The following HSDL2 variants were observed in gnomAD, a reference collection of about 807,000 sequenced individuals.
The protein encoded by HSDL2 is hydroxysteroid dehydrogenase-like protein 2.
A neutral mutation model predicts 46.3 loss-of-function variants in HSDL2; 27 were observed. The ratio of observed to expected loss-of-function variants is 0.58; its 90% CI spans 0.43 to 0.80. The LOEUF is 0.80. Among genes scored for constraint, HSDL2 ranks in the 30% least tolerant of loss-of-function variants. The probability of loss-of-function intolerance (pLI) is 0.00; values close to 1 mark genes in which losing one functional copy is unlikely to be tolerated. For synonymous variants in HSDL2, 153 were observed against 163.6 expected (o/e 0.94, Z 0.50); for missense variants, 451 against 502.7 (o/e 0.90, Z 0.98).
At chr9:112,386,889 C>T (rs577758536) in intron 1 of HSDL2, among the ~76,000 whole-genome samples, 48 of 152,270 alleles carry the variant, frequency 3.2e-4, no homozygotes, top group African/African-American at 1.1e-3. Flanking sequence ...GACTCCACTA[C>T]AGGACATATG....
chr9:112,441,219 G>A (rs1832630523), intron 7 of HSDL2, among the ~76,000 whole-genome samples: 2 of 151,952 alleles, frequency 1.3e-5, no homozygotes, highest in African/African-American at 4.8e-5. Flanking sequence ...TAATAACCCA[G>A]TGGAATAGGA....
Position 112,418,319 on chromosome 9 carries a change from G to A in HSDL2, c.500-541G>A, listed in dbSNP as rs868807505. 4.6e-5 allele frequency among the ~76,000 whole-genome samples: 7 copies of A among 151,192 alleles called. No homozygotes were observed. In the South Asian group the frequency reaches 1.3e-3, roughly 27 times the overall value. On this transcript the variant is annotated intron_variant, in intron 5 of 10. Coordinates refer to ENST00000398805, the MANE Select transcript of HSDL2 (RefSeq NM_032303.5). ...TCAGGGAGGCTGGGTACGGTGGCTC[G>A]TACCTGTAATCCCAGCACTTTGGGA... is the stretch of plus-strand genomic sequence containing the variant.
chr9:112,454,678 CT>C (rs1016773002), intron 9 of HSDL2, among the ~76,000 whole-genome samples: 3 of 151,846 alleles, frequency 2.0e-5, no homozygotes, highest in Non-Finnish European at 4.4e-5. Context: ...CGGTAGTCAG[CT>C]TTTTTTCACT....
intron 6 of HSDL2, among the ~76,000 whole-genome samples, chr9:112,429,429 C>T (rs958850739): frequency 6.6e-6 from 1 of 152,192 alleles, no homozygotes; most frequent in African/African-American, 2.4e-5. Flanking sequence ...ACTTTGTCCT[C>T]CCCTCTGCCC....
At chr9:112,422,781 A>G (rs889918742) in intron 6 of HSDL2, among the ~76,000 whole-genome samples, 3 of 152,234 alleles carry the variant, frequency 2.0e-5, no homozygotes, top group Non-Finnish European at 2.9e-5. Flanking sequence ...GGCTGAATTT[A>G]TGAGGGGGAG....
At chr9:112,394,265 C>A (rs1172622611) in intron 1 of HSDL2, among the ~76,000 whole-genome samples, 2 of 147,720 alleles carry the variant, frequency 1.4e-5, no homozygotes, top group African/African-American at 4.9e-5. Flanking sequence ...TCTGGGTGTT[C>A]TGGGCTCAGA....
chr9:112,418,512 G>A (rs1268436177), intron 5 of HSDL2, among the ~76,000 whole-genome samples: 1 of 151,286 alleles, frequency 6.6e-6, no homozygotes, highest in Non-Finnish European at 1.5e-5. Flanking sequence ...GAGCCCAGGA[G>A]GTAGAGGCTG....
At chr9:112,465,698 T>A (rs529993977) in intron 10 of HSDL2, among the ~76,000 whole-genome samples, 5 of 152,376 alleles carry the variant, frequency 3.3e-5, no homozygotes, top group Admixed American at 3.3e-4. Context: ...CATAATGTTT[T>A]TGAGGTTCAT....
At chr9:112,465,344 G>A (rs1403035217) in intron 10 of HSDL2, among the ~76,000 whole-genome samples, 1 of 152,130 alleles carries the variant, frequency 6.6e-6, no homozygotes, top group Non-Finnish European at 1.5e-5. Flanking sequence ...GGCCAGGCTG[G>A]TCTCGAACTC....
At chr9:112,455,628 G>A (rs1833000425) in intron 9 of HSDL2, among the ~76,000 whole-genome samples, 1 of 152,206 alleles carries the variant, frequency 6.6e-6, no homozygotes, top group Admixed American at 6.5e-5. Context: ...TTCAGCTGAG[G>A]TTTAAGCAAC....
At chr9:112,406,606 GA>G (rs1831736226) in intron 3 of HSDL2, among the ~76,000 whole-genome samples, 1 of 152,010 alleles carries the variant, frequency 6.6e-6, no homozygotes, top group Non-Finnish European at 1.5e-5. Flanking sequence ...GAGTAGCTGG[GA>G]TTACAGGCGC....
chr9:112,394,223 G>A (rs1831410049), intron 1 of HSDL2, among the ~76,000 whole-genome samples: 1 of 152,058 alleles, frequency 6.6e-6, no homozygotes. Flanking sequence ...CATACTCGCA[G>A]TCCGGACATG....
At chr9:112,403,034 A>G (rs1464565340) in intron 1 of HSDL2, among the ~76,000 whole-genome samples, 1 of 152,160 alleles carries the variant, frequency 6.6e-6, no homozygotes, top group Non-Finnish European at 1.5e-5. Flanking sequence ...TTGAATCAGA[A>G]TATTTCAGAT....
chr9:112,434,741 G>T (rs1486578263), intron 6 of HSDL2, among the ~76,000 whole-genome samples: 1 of 152,154 alleles, frequency 6.6e-6, no homozygotes, highest in Non-Finnish European at 1.5e-5. Flanking sequence ...GTCATCACAG[G>T]CAATGCTGAT....
intron 4 of HSDL2, among the ~76,000 whole-genome samples, chr9:112,409,521 C>T (rs997112804): frequency 1.3e-5 from 2 of 152,074 alleles, no homozygotes; most frequent in African/African-American, 4.8e-5. Flanking sequence ...TTATTTGGAG[C>T]TCCTTTTCTC....
rs755664849 is a variant in HSDL2, at chr9:112,408,911, T to G, written c.285T>G (p.Ile95Met). 1 of 1,481,164 alleles carries G rather than the reference T, an allele frequency of 6.8e-7. No individual in the cohort carries two copies. The highest frequency in any genetic ancestry group is 1.2e-5 in the South Asian group (1 of 83,972). The allele number at this position is 1,481,164 out of a possible 1,614,324, so 91.8% of individuals were successfully genotyped here. A position where few individuals can be genotyped will look rare whatever the true frequency, so the allele number is the denominator to read the frequency against. Reference sequence around the variant, plus strand: ...AATTGATTATTTTGAAAACAGGAATTGATATTCTGGTAAATAATGCCAGTG... The same window carrying G: ...AATTGATTATTTTGAAAACAGGAATGGATATTCTGGTAAATAATGCCAGTG... ...VEKAIKKFGGIDILVNNASAI... is the reference protein window; with the variant it reads ...VEKAIKKFGGMDILVNNASAI... Residue 95 changes from isoleucine (I) to methionine (M), a missense_variant, in exon 4 of 11, where the codon ATT becomes ATG. Physicochemically the swap from Ile to Met is conservative, Grantham distance 10. Transcript: ENST00000398805.
intron 1 of HSDL2, among the ~76,000 whole-genome samples, chr9:112,383,749 T>A (rs1215499350): frequency 6.6e-6 from 1 of 152,238 alleles, no homozygotes; most frequent in Non-Finnish European, 1.5e-5. Context: ...TCACCCAGGC[T>A]GGGGTGCATT....
Position 112,470,520 on chromosome 9 carries a change from G to C in HSDL2, c.1233G>C (p.Met411Ile), listed in dbSNP as rs775363281. The change falls in exon 11 of 11, where the codon ATG (methionine) becomes ATC (isoleucine). Residue 411 changes from methionine to isoleucine, a missense_variant. Physicochemically the swap from Met to Ile is conservative, Grantham distance 10. Transcript: ENST00000398805. ...MALAIKLEKL[M>I]NQMNARL is the part of the protein sequence containing the mutation. The stretch of plus-strand genomic sequence containing the variant: ...TAGCAATCAAATTGGAGAAGCTAAT[G>C]AATCAGATGAATGCCAGACTGTGAA... The C allele has an allele frequency of 9.4e-6, 15 of 1,601,534 alleles. No homozygotes were observed. Among genetic ancestry groups the C allele is most frequent in the Non-Finnish European group, 1.3e-5 (15 of 1,169,850 alleles).
chr9:112,454,138 G>A lies in HSDL2; in HGVS notation c.991G>A (p.Ala331Thr), dbSNP rs1196139175. The change falls in exon 9 of 11, where the codon GCA becomes ACA. Residue 331 changes from alanine (A) to threonine (T), a missense_variant. Transcript: ENST00000398805. ...LSDDVVKATQAIYLFELSGED... is the reference protein window; with the variant it reads ...LSDDVVKATQTIYLFELSGED... The stretch of plus-strand genomic sequence containing the variant: ...TGATGATGTTGTTAAAGCCACTCAA[G>A]CAATCTATCTGTTTGAACTCTCCGG... 1.5e-5 allele frequency: 24 copies of A among 1,613,744 alleles called. No individual in the cohort carries two copies. Among genetic ancestry groups the A allele is most frequent in the Non-Finnish European group, 2.0e-5 (24 of 1,179,844 alleles).
Sources: gnomAD v4.1 joint callset for allele counts (sites outside exome capture counted in the v4.1 genomes callset) on GRCh38, gnomAD v4.1.1 for gene constraint, MANE v1.5 for transcripts, NCBI Gene and HGNC (gene_info 2026-07-23, HGNC 2026-07-21) for gene names.